Variants in ZNF423 observed in about 807,000 individuals in gnomAD.
ZNF423 encodes zinc finger protein 423.
Under a neutral mutation model 95.8 loss-of-function variants are expected in ZNF423, and 12 were observed. That is an observed-to-expected ratio of 0.13 (90% CI 0.08 to 0.20). The LOEUF is 0.20. ZNF423 is among the 10% of genes least tolerant of loss of function. The pLI is 1.00. For synonymous variants in ZNF423, 749 were observed against 711.9 expected (o/e 1.05, Z -0.83); for missense variants, 1,316 against 1,737.1 (o/e 0.76, Z 4.31).
intron 5 of ZNF423, among the ~76,000 whole-genome samples, chr16:49,566,803 C>T (rs1970207446): frequency 6.6e-6 from 1 of 152,072 alleles, no homozygotes; most frequent in Admixed American, 6.5e-5. Context: ...AGCTTCACCC[C>T]AGAAGTTAGA....
intron 7 of ZNF423, among the ~76,000 whole-genome samples, chr16:49,496,995 C>G (rs927672353): frequency 2.0e-5 from 3 of 152,174 alleles, no homozygotes; most frequent in Non-Finnish European, 4.4e-5. Context: ...CCCGAGATGG[C>G]TGAACTTTGG....
intron 3 of ZNF423, among the ~76,000 whole-genome samples, chr16:49,642,701 G>A (rs1000223526): frequency 6.6e-6 from 1 of 151,952 alleles, no homozygotes; most frequent in Non-Finnish European, 1.5e-5. Context: ...GCTTTGGGGG[G>A]ACTTAGCTCA....
intron 5 of ZNF423, among the ~76,000 whole-genome samples, chr16:49,576,499 G>A (rs544785451): frequency 2.6e-5 from 4 of 152,330 alleles, no homozygotes; most frequent in East Asian, 1.9e-4. Flanking sequence ...CATGCCACTC[G>A]TGGACACTAC....
intron 5 of ZNF423, among the ~76,000 whole-genome samples, chr16:49,562,116 T>C (rs189144451): frequency 6.6e-6 from 1 of 152,320 alleles, no homozygotes; most frequent in Admixed American, 6.5e-5. Context: ...GTAACATCCC[T>C]ATATAGTCTC....
chr16:49,569,506 C>A (rs938803795), intron 5 of ZNF423, among the ~76,000 whole-genome samples: 1 of 152,216 alleles, frequency 6.6e-6, no homozygotes, highest in Non-Finnish European at 1.5e-5. Context: ...CTGTAACGTC[C>A]TGGCTGCCTA....
At chr16:49,502,200 T>A (rs1412074906) in intron 7 of ZNF423, among the ~76,000 whole-genome samples, 1 of 151,912 alleles carries the variant, frequency 6.6e-6, no homozygotes, top group African/African-American at 2.4e-5. Context: ...CACCCTGAAG[T>A]GAGGTGGGGA....
At chr16:49,588,031 G>C (rs941074087) in intron 5 of ZNF423, among the ~76,000 whole-genome samples, 1 of 152,132 alleles carries the variant, frequency 6.6e-6, no homozygotes, top group African/African-American at 2.4e-5. Flanking sequence ...CCATCAGATT[G>C]GATATTCCTC....
intron 5 of ZNF423, among the ~76,000 whole-genome samples, chr16:49,552,986 C>T (rs1399655317): frequency 6.6e-6 from 1 of 152,102 alleles, no homozygotes; most frequent in Non-Finnish European, 1.5e-5. Flanking sequence ...GCAGAGTCAC[C>T]AGCAGGGCTA....
rs1395812795 is a variant in ZNF423 at position 49,823,927 on chromosome 16, TA to T, written c.40+31807del. Among the ~76,000 whole-genome samples, 8 of 151,892 alleles carry T rather than the reference TA, an allele frequency of 5.3e-5. No homozygotes were observed. In the East Asian group the frequency reaches 1.6e-3, roughly 29 times the overall value. On this transcript the variant is annotated intron_variant, in intron 1 of 7. Coordinates refer to ENST00000563137, the MANE Select transcript of ZNF423 (RefSeq NM_001379286.1). ...CCTGGGCAATATAGTGAGACCTCTC[TA>T]CAAAAAAAAATAAAAATTTGGTACA... is the stretch of plus-strand genomic sequence containing the variant.
intron 4 of ZNF423, among the ~76,000 whole-genome samples, chr16:49,634,921 AG>A (rs1972631757): frequency 6.6e-6 from 1 of 152,184 alleles, no homozygotes; most frequent in Non-Finnish European, 1.5e-5. Context: ...GTCCCAAGTC[AG>A]GGTCCATTTC....
At position 49,515,404 on chromosome 16, in the gene ZNF423, G is replaced by C. The variant is rs369216653; in HGVS notation, c.3849+8220C>G. On this transcript the variant is annotated intron_variant, in intron 7 of 7. Coordinates refer to ENST00000563137, the MANE Select transcript of ZNF423 (RefSeq NM_001379286.1). ...CTGCAGGCCTCATTTAAATCTATTA[G>C]CTCATATAAATGGCAATTTATTTAA... Among the ~76,000 whole-genome samples, 4 of 152,206 alleles carry C rather than the reference G, an allele frequency of 2.6e-5. No individual in the cohort carries two copies. The East Asian group carries it at 7.7e-4, about 29-fold the overall frequency.
chr16:49,793,250 G>A (rs958296045), intron 1 of ZNF423, among the ~76,000 whole-genome samples: 4 of 152,210 alleles, frequency 2.6e-5, no homozygotes, highest in Non-Finnish European at 4.4e-5. Flanking sequence ...AGGAGGGCCC[G>A]TCTGCAACTG....
chr16:49,518,143 T>C (rs1159334291), intron 7 of ZNF423: 1 of 400,214 alleles, frequency 2.5e-6, no homozygotes, highest in African/African-American at 2.1e-5. Flanking sequence ...TATCTTGTTA[T>C]ATTTATGTCA....
chr16:49,674,419 C>G (rs1207475263), intron 3 of ZNF423, among the ~76,000 whole-genome samples: 3 of 152,144 alleles, frequency 2.0e-5, no homozygotes, highest in Non-Finnish European at 2.9e-5. Flanking sequence ...GTGCTGCAGC[C>G]GATGTGTACA....
intron 2 of ZNF423, among the ~76,000 whole-genome samples, chr16:49,784,043 G>T (rs1047627121): frequency 2.6e-5 from 4 of 151,738 alleles, no homozygotes; most frequent in African/African-American, 9.7e-5. Context: ...CTACTAGGAA[G>T]TTTAGAATTT....
intron 5 of ZNF423, among the ~76,000 whole-genome samples, chr16:49,581,152 C>T (rs1471386284): frequency 7.0e-6 from 1 of 142,548 alleles, no homozygotes; most frequent in African/African-American, 2.5e-5. Context: ...GTTCCTCCAG[C>T]CCCACTGATG....
intron 2 of ZNF423, among the ~76,000 whole-genome samples, chr16:49,733,569 T>C (rs958214442): frequency 6.6e-6 from 1 of 152,226 alleles, no homozygotes; most frequent in African/African-American, 2.4e-5. Context: ...AGTATAAATC[T>C]GTTTTAAGCA....
chr16:49,587,440 G>A (rs1375061708), intron 5 of ZNF423, among the ~76,000 whole-genome samples: 2 of 152,144 alleles, frequency 1.3e-5, no homozygotes, highest in South Asian at 2.1e-4. Flanking sequence ...AACATCGGGG[G>A]TCCAACAAAC....
chr16:49,739,512 C>T (rs1036330935), intron 2 of ZNF423, among the ~76,000 whole-genome samples: 10 of 152,052 alleles, frequency 6.6e-5, no homozygotes, highest in Non-Finnish European at 1.0e-4. Flanking sequence ...CCAGACTGTG[C>T]GATCCTGAGT....
Sources: gnomAD v4.1 joint callset for allele counts (sites outside exome capture counted in the v4.1 genomes callset) on GRCh38, gnomAD v4.1.1 for gene constraint, MANE v1.5 for transcripts, NCBI Gene and HGNC (gene_info 2026-07-23, HGNC 2026-07-21) for gene names.